SLC24A3: variants seen among roughly 807,000 people sequenced by gnomAD.
SLC24A3 encodes solute carrier family 24 member 3.
A neutral mutation model predicts 75.8 loss-of-function variants in SLC24A3; 28 were observed. The observed-to-expected ratio is 0.37, with a 90% confidence interval of 0.27 to 0.51. SLC24A3 has a LOEUF of 0.51. SLC24A3 is among the 20% of genes least tolerant of loss of function. The pLI is 0.94. For missense variants in SLC24A3, 663 were observed against 847.8 expected, an observed-to-expected ratio of 0.78 and a Z score of 2.71; for synonymous variants, 372 against 334.1, an observed-to-expected ratio of 1.11 and a Z score of -1.24.
intron 6 of SLC24A3, among the ~76,000 whole-genome samples, chr20:19,628,071 G>C (rs371242204): frequency 9.7e-4 from 146 of 151,232 alleles, no homozygotes; most frequent in African/African-American, 3.2e-3. Context: ...AGGCATGGTG[G>C]GGCACGCCTA....
chr20:19,378,636 T>G (rs1238589455), intron 2 of SLC24A3, among the ~76,000 whole-genome samples: 1 of 152,134 alleles, frequency 6.6e-6, no homozygotes, highest in Non-Finnish European at 1.5e-5. Flanking sequence ...TTCTTTCCTT[T>G]ACCTTCCACC....
intron 3 of SLC24A3, among the ~76,000 whole-genome samples, chr20:19,557,342 ACT>A (rs2030804327): frequency 6.6e-6 from 1 of 152,136 alleles, no homozygotes; most frequent in Non-Finnish European, 1.5e-5. Flanking sequence ...ACTCTTCCCA[ACT>A]TTGACATCAC....
At chr20:19,289,813 C>G (rs758176499) in intron 2 of SLC24A3, among the ~76,000 whole-genome samples, 28 of 152,188 alleles carry the variant, frequency 1.8e-4, no homozygotes, top group Non-Finnish European at 3.4e-4. Flanking sequence ...CAATCTCTTA[C>G]TGAGATTGTT....
intron 2 of SLC24A3, among the ~76,000 whole-genome samples, chr20:19,293,365 A>G (rs1202127132): frequency 2.6e-5 from 4 of 151,882 alleles, no homozygotes; most frequent in South Asian, 4.2e-4. Flanking sequence ...TCGGAAAGGG[A>G]TGTTTCCTGG....
intron 2 of SLC24A3, among the ~76,000 whole-genome samples, chr20:19,491,008 C>G (rs898680330): frequency 6.6e-6 from 1 of 152,240 alleles, no homozygotes; most frequent in Non-Finnish European, 1.5e-5. Flanking sequence ...TTTTAAAATA[C>G]GGAACATTCA....
At chr20:19,645,905 A>G (rs1353006561) in intron 6 of SLC24A3, among the ~76,000 whole-genome samples, 1 of 152,072 alleles carries the variant, frequency 6.6e-6, no homozygotes, top group Non-Finnish European at 1.5e-5. Context: ...AATACAAAAA[A>G]TCAGCCCAGC....
At chr20:19,286,583 A>G (rs1983824789) in intron 2 of SLC24A3, among the ~76,000 whole-genome samples, 1 of 152,228 alleles carries the variant, frequency 6.6e-6, no homozygotes, top group Non-Finnish European at 1.5e-5. Context: ...CCAAGGTCAG[A>G]GGGCTTGTCA....
chr20:19,292,562 C>T (rs534705960), intron 2 of SLC24A3, among the ~76,000 whole-genome samples: 1 of 152,254 alleles, frequency 6.6e-6, no homozygotes, highest in East Asian at 1.9e-4. Context: ...TGTTGACTTG[C>T]CCTGGGTAAA....
intron 2 of SLC24A3, among the ~76,000 whole-genome samples, chr20:19,379,469 T>G (rs1448133378): frequency 6.6e-6 from 1 of 152,162 alleles, no homozygotes; most frequent in East Asian, 1.9e-4. Context: ...ATGAGGGGGT[T>G]TGATAAGCCC....
intron 6 of SLC24A3, among the ~76,000 whole-genome samples, chr20:19,609,864 CTG>C (rs2031647970): frequency 6.6e-6 from 1 of 152,112 alleles, no homozygotes; most frequent in African/African-American, 2.4e-5. Context: ...AGCTGTGTGC[CTG>C]TGAGTCAGGT....
chr20:19,664,834 A>G (rs2032378601), intron 7 of SLC24A3, among the ~76,000 whole-genome samples: 1 of 152,218 alleles, frequency 6.6e-6, no homozygotes, highest in South Asian at 2.1e-4. Context: ...TATGAAATAT[A>G]GGTGTACTCA....
intron 2 of SLC24A3, among the ~76,000 whole-genome samples, chr20:19,398,858 C>A (rs1193006865): frequency 6.6e-6 from 1 of 152,134 alleles, no homozygotes; most frequent in African/African-American, 2.4e-5. Flanking sequence ...GGGAGCTAGA[C>A]AAGTTTTGTG....
chr20:19,712,537 G>A (rs1216778740), intron 15 of SLC24A3, among the ~76,000 whole-genome samples: 1 of 152,104 alleles, frequency 6.6e-6, no homozygotes, highest in Admixed American at 6.5e-5. Context: ...TCTCAAAGAG[G>A]GCACAGGAGT....
intron 2 of SLC24A3, among the ~76,000 whole-genome samples, chr20:19,511,388 C>T (rs1355828443): frequency 4.0e-5 from 6 of 149,230 alleles, no homozygotes; most frequent in Non-Finnish European, 5.9e-5. Context: ...AGTACAGTGG[C>T]GTGATCTCCG....
At chr20:19,421,109 A>G (rs1986910272) in intron 2 of SLC24A3, among the ~76,000 whole-genome samples, 1 of 18,186 alleles carries the variant, frequency 5.5e-5, no homozygotes, top group Non-Finnish European at 1.0e-4. Flanking sequence ...AAACCTAGGC[A>G]TTACCATTCA....
At chr20:19,507,037 G>A (rs1185190391) in intron 2 of SLC24A3, among the ~76,000 whole-genome samples, 3 of 152,182 alleles carry the variant, frequency 2.0e-5, no homozygotes, top group African/African-American at 7.2e-5. Context: ...GCATTGAAAT[G>A]TCTCTAAAAC....
intron 6 of SLC24A3, among the ~76,000 whole-genome samples, chr20:19,594,529 C>T (rs3827998): frequency 0.38 from 58,043 of 152,150 alleles, 11,291 homozygotes; most frequent in Middle Eastern, 0.45. Flanking sequence ...GGGCAGTAAG[C>T]TCATTCACTG....
intron 2 of SLC24A3, among the ~76,000 whole-genome samples, chr20:19,450,282 A>G (rs758331704): frequency 6.6e-6 from 1 of 152,068 alleles, no homozygotes; most frequent in Non-Finnish European, 1.5e-5. Flanking sequence ...CAACTTTCAA[A>G]CTCCAGACAG....
At chr20:19,496,481 G>A (rs560496735) in intron 2 of SLC24A3, among the ~76,000 whole-genome samples, 1 of 152,296 alleles carries the variant, frequency 6.6e-6, no homozygotes, top group Non-Finnish European at 1.5e-5. Flanking sequence ...CACTCCTGTG[G>A]TTGGATTCCC....
Sources: gnomAD v4.1 joint callset for allele counts (sites outside exome capture counted in the v4.1 genomes callset) on GRCh38, gnomAD v4.1.1 for gene constraint, MANE v1.5 for transcripts, NCBI Gene and HGNC (gene_info 2026-07-23, HGNC 2026-07-21) for gene names.